ZBTB41: variants seen among roughly 807,000 people sequenced by gnomAD.
ZBTB41 encodes zinc finger and BTB domain containing 41.
Under a neutral mutation model 87.6 loss-of-function variants are expected in ZBTB41, and 42 were observed. That is an observed-to-expected ratio of 0.48 (90% CI 0.37 to 0.62). The LOEUF (loss-of-function observed/expected upper bound fraction) is 0.62, where lower values mean the gene tolerates loss of function less well. Among genes scored for constraint, ZBTB41 ranks in the 20% least tolerant of loss-of-function variants. ZBTB41 has a pLI of 0.00. For synonymous variants in ZBTB41, 364 were observed against 364.0 expected (o/e 1.00, Z 0.00); for missense variants, 799 against 1,078.9 (o/e 0.74, Z 3.63).
intron 10 of ZBTB41, among the ~76,000 whole-genome samples, chr1:197,165,942 G>C (rs148824922): frequency 6.6e-6 from 1 of 152,120 alleles, no homozygotes; most frequent in African/African-American, 2.4e-5. Flanking sequence ...CAGCCCATGG[G>C]GGGCGAGCAG....
At chr1:197,200,632 A>G in intron 1 of ZBTB41, 42 bp from the exon 2 acceptor site, 4 of 556,302 alleles carry the variant, frequency 7.2e-6, no homozygotes, top group Admixed American at 3.7e-5. Context: ...TCCATGGCAA[A>G]GCAATGCTAA....
intron 6 of ZBTB41, among the ~76,000 whole-genome samples, chr1:197,179,608 A>G (rs899433195): frequency 1.3e-5 from 2 of 152,040 alleles, no homozygotes; most frequent in East Asian, 1.9e-4. Context: ...ACCATAGGAC[A>G]TGACAGCTCT....
intron 6 of ZBTB41, 57 bp downstream of exon 6, chr1:197,180,931 T>G: frequency 6.6e-7 from 1 of 1,522,398 alleles, no homozygotes; most frequent in Non-Finnish European, 8.8e-7. Context: ...TCATATTGAT[T>G]GATTATTTCT....
At chr1:197,165,057 T>C (rs1472789852) in intron 10 of ZBTB41, among the ~76,000 whole-genome samples, 1 of 148,312 alleles carries the variant, frequency 6.7e-6, no homozygotes, top group Non-Finnish European at 1.5e-5. Context: ...ATGGTTACAG[T>C]AGAGATTTTC....
intron 10 of ZBTB41, among the ~76,000 whole-genome samples, chr1:197,167,711 C>CA: frequency 6.6e-6 from 1 of 152,192 alleles, no homozygotes; most frequent in Admixed American, 6.5e-5. Flanking sequence ...CTATTCATGA[C>CA]AAAAACTCTA....
In ZBTB41 at chr1:197,182,064, C is replaced by T. The variant is rs564391267; in HGVS notation, c.1547-947G>A. ...TAAGTATTATGAAAAATCTCTCCACCTCCTCTGAACCAAAAAAAGGCTCTA... is the reference window on the plus strand; with the variant it reads ...TAAGTATTATGAAAAATCTCTCCACTTCCTCTGAACCAAAAAAAGGCTCTA... On this transcript the variant is annotated intron_variant, in intron 5 of 10. Transcript: ENST00000367405. Among the ~76,000 whole-genome samples the T allele has an allele frequency of 3.3e-5, 5 of 151,796 alleles. No homozygotes were observed. In the South Asian group the frequency reaches 8.3e-4, roughly 25 times the overall value.
At position 197,187,649 on chromosome 1, in the gene ZBTB41, T is replaced by C. The variant is rs142772784; in HGVS notation, c.1546+643A>G. 2.5e-3 allele frequency among the ~76,000 whole-genome samples: 379 copies of C among 152,268 alleles called. 3 individuals are homozygous for C. Among genetic ancestry groups the C allele is most frequent in the Admixed American group, 0.021 (318 of 15,284 alleles). On this transcript the variant is annotated intron_variant, in intron 5 of 10. Transcript: ENST00000367405. ...CCACAGTTGGCTGAATCCACAGACA[T>C]GGCACTTATAGATATGGAGGGCCAA... is the stretch of plus-strand genomic sequence containing the variant.
intron 10 of ZBTB41, among the ~76,000 whole-genome samples, chr1:197,162,464 A>G (rs982505455): frequency 1.3e-5 from 2 of 152,162 alleles, no homozygotes; most frequent in African/African-American, 4.8e-5. Context: ...GATGTAAACT[A>G]ATAGTTAAAA....
Position 197,191,818 on chromosome 1 carries a change from T to G in ZBTB41, c.1202A>C (p.Lys401Thr). 6.2e-7 allele frequency: 1 copy of G among 1,613,958 alleles called. No individual in the cohort carries two copies. The highest frequency in any genetic ancestry group is 8.5e-7 in the Non-Finnish European group (1 of 1,179,912). The change falls in exon 3 of 11, where the codon AAG becomes ACG. Residue 401 changes from lysine (K) to threonine (T), a missense_variant. Physicochemically the swap from Lys to Thr is moderately conservative, Grantham distance 78 (BLOSUM62 -1). This residue lies in a region of ZBTB41 where 294 missense variants were observed against 340.1 expected (regional missense o/e 0.86). Transcript: ENST00000367405. ...CTTTCTGTGAACAGTTAGGTTAGAC[T>G]TTGTTGAATAGCGCTGGTGACAAAT... The part of the protein sequence containing the change: ...CDICHQRYST[K>T]SNLTVHRKKH...
chr1:197,188,609 G>A (rs993141105), intron 4 of ZBTB41, among the ~76,000 whole-genome samples, 170 bp from the exon 5 acceptor site: 1 of 152,058 alleles, frequency 6.6e-6, no homozygotes, highest in African/African-American at 2.4e-5. Context: ...ATGCTCTAGA[G>A]GAAGTAAGGA....
chr1:197,177,605 C>A (rs1013528694), intron 7 of ZBTB41, among the ~76,000 whole-genome samples: 1 of 151,854 alleles, frequency 6.6e-6, no homozygotes, highest in Non-Finnish European at 1.5e-5. Flanking sequence ...TTCTTCACAC[C>A]AATAGAACAA....
At chr1:197,180,848 C>T in intron 6 of ZBTB41, 140 bp downstream of exon 6, 2 of 940,226 alleles carry the variant, frequency 2.1e-6, no homozygotes, top group Non-Finnish European at 2.9e-6. Flanking sequence ...TGTGTAATTC[C>T]TTTTTTCCTT....
intron 10 of ZBTB41, among the ~76,000 whole-genome samples, chr1:197,166,450 A>G (rs2125124919): frequency 6.6e-6 from 1 of 152,276 alleles, no homozygotes; most frequent in South Asian, 2.1e-4. Flanking sequence ...TAGATTTCAC[A>G]TTTTAGATTA....
At chr1:197,180,690 C>A (rs1357558767) in intron 6 of ZBTB41, among the ~76,000 whole-genome samples, 1 of 148,508 alleles carries the variant, frequency 6.7e-6, no homozygotes, top group Non-Finnish European at 1.5e-5. Context: ...TTTCTGTTCT[C>A]CCTATCTTTG....
intron 10 of ZBTB41, among the ~76,000 whole-genome samples, chr1:197,164,901 A>AT (rs1557975356): frequency 7.6e-3 from 248 of 32,532 alleles, no homozygotes; most frequent in East Asian, 0.025. Flanking sequence ...ATACATATCT[A>AT]ATATATTATA....
intron 10 of ZBTB41, among the ~76,000 whole-genome samples, chr1:197,167,730 A>G (rs1659383074): frequency 6.6e-6 from 1 of 152,214 alleles, no homozygotes; most frequent in South Asian, 2.1e-4. Context: ...TAAATAAACT[A>G]GGGATAGTAA....
chr1:197,168,002 T>A (rs1659391123), intron 10 of ZBTB41, among the ~76,000 whole-genome samples: 1 of 152,180 alleles, frequency 6.6e-6, no homozygotes, highest in Non-Finnish European at 1.5e-5. Context: ...ATAACTTGTT[T>A]GCATGCTTTG....
In ZBTB41 at chr1:197,200,428, G is replaced by GA. The variant is rs1652718195; in HGVS notation, c.45dup (p.Leu16SerfsTer5). 6.2e-7 allele frequency: 1 copy of GA among 1,606,160 alleles called. No homozygotes were observed. The highest frequency in any genetic ancestry group is 1.1e-5 in the South Asian group (1 of 88,858). On this transcript the variant is annotated frameshift_variant, in exon 2 of 11. Coordinates refer to ENST00000367405, the MANE Select transcript of ZBTB41 (RefSeq NM_194314.3). LOFTEE classifies it high-confidence loss of function. ...TCTGAAGAATCTTTATGATAGCCTA[G>GA]ATGGATCTTCTCAAGATTTGAAGTA...
At chr1:197,180,916 A>G in intron 6 of ZBTB41, 72 bp downstream of exon 6, 1 of 1,493,114 alleles carries the variant, frequency 6.7e-7, no homozygotes, top group Non-Finnish European at 8.9e-7. Context: ...CCTAATTCCT[A>G]TAAATCATAT....
Sources: gnomAD v4.1 joint callset for allele counts (sites outside exome capture counted in the v4.1 genomes callset) on GRCh38, gnomAD v4.1.1 for gene constraint, gnomAD v4.1.1 regional missense constraint, MANE v1.5 for transcripts, NCBI Gene and HGNC (gene_info 2026-07-23, HGNC 2026-07-21) for gene names.